Variants in JPH1 observed in about 807,000 individuals in gnomAD.
The protein encoded by JPH1 is junctophilin 1.
In JPH1, 12 loss-of-function variants were observed where a neutral mutation model predicts 53.6. The ratio of observed to expected loss-of-function variants is 0.22; its 90% CI spans 0.14 to 0.36. The LOEUF (loss-of-function observed/expected upper bound fraction) is 0.36, where lower values mean the gene tolerates loss of function less well. Among genes scored for constraint, JPH1 ranks in the 10% least tolerant of loss-of-function variants. The pLI is 1.00. For synonymous variants in JPH1, 375 were observed against 363.8 expected, an observed-to-expected ratio of 1.03 and a Z score of -0.35; for missense variants, 808 against 905.5, an observed-to-expected ratio of 0.89 and a Z score of 1.38.
chr8:74,304,654 C>T (rs1807780905), intron 2 of JPH1, among the ~76,000 whole-genome samples: 1 of 368 alleles, frequency 2.7e-3, no homozygotes, highest in Non-Finnish European at 6.1e-3. Context: ...TAAAAAATGG[C>T]ATTGATAGGG....
chr8:74,259,285 G>T, intron 3 of JPH1, 100 bp downstream of exon 3: 1 of 909,876 alleles, frequency 1.1e-6, no homozygotes, highest in Non-Finnish European at 1.7e-6. Context: ...AGTACTGCTG[G>T]GATTCAGGAA....
Position 74,321,451 on chromosome 8 carries a change from C to T in JPH1, c.-164G>A. ...TCCAGTCCGACGCCGCCCCCGTCCT[C>T]CCTCCTCTTTTGCCGCCGCCACCGC... On this transcript the variant is annotated 5_prime_UTR_variant, in exon 1 of 6. Coordinates refer to ENST00000342232, the MANE Select transcript of JPH1 (RefSeq NM_020647.4). This position sits in a 1 kb window ranked among gnomAD's most constrained non-coding sequence, Gnocchi z 4.3. The T allele has an allele frequency of 8.1e-6, 5 of 618,980 alleles. No homozygotes were observed. Among genetic ancestry groups the T allele is most frequent in the Non-Finnish European group, 7.4e-6 (3 of 405,882 alleles). The allele number at this position is 618,980 out of a possible 1,614,324, so 38.3% of individuals were successfully genotyped here.
chr8:74,315,641 G>T lies in JPH1; in HGVS notation c.380-21C>A. On this transcript the variant is annotated intron_variant, in intron 1 of 5. Coordinates refer to ENST00000342232, the MANE Select transcript of JPH1 (RefSeq NM_020647.4). The surrounding 1 kb of genome is among the most constrained non-coding windows in gnomAD (Gnocchi z 6.3). The stretch of plus-strand genomic sequence containing the variant: ...GGTACCTTGGAGAGACCGCAAGAAA[G>T]CACCGTGAGTCGGGGGCAGAGCTGC... 1.3e-6 allele frequency: 2 copies of T among 1,573,518 alleles called. No individual in the cohort carries two copies. Among genetic ancestry groups the T allele is most frequent in the Non-Finnish European group, 1.7e-6 (2 of 1,164,962 alleles).
At chr8:74,283,411 G>T (rs985045837) in intron 2 of JPH1, among the ~76,000 whole-genome samples, 2 of 152,194 alleles carry the variant, frequency 1.3e-5, no homozygotes, top group African/African-American at 4.8e-5. Flanking sequence ...TTATAGAGGG[G>T]AATGGGAAAA....
chr8:74,307,333 A>G (rs1302038721), intron 2 of JPH1, among the ~76,000 whole-genome samples: 4 of 152,192 alleles, frequency 2.6e-5, no homozygotes, highest in African/African-American at 7.2e-5. Flanking sequence ...CTCCCATTCA[A>G]TTCTCAAAAC....
intron 3 of JPH1, among the ~76,000 whole-genome samples, chr8:74,255,500 C>T (rs964202811): frequency 6.6e-5 from 10 of 152,184 alleles, no homozygotes; most frequent in Admixed American, 5.2e-4. Flanking sequence ...GACTTCATGT[C>T]TAAAACACCA....
Position 74,320,455 on chromosome 8 carries a change from A to G in JPH1, c.379+454T>C, listed in dbSNP as rs1230037398. ...CGTGAAACCAATCCCGGGAGCGGTC[A>G]GCACGGACCGCCAACCTCACCCGCT... On this transcript the variant is annotated intron_variant, in intron 1 of 5. Transcript: ENST00000342232. The surrounding 1 kb of genome is among the most constrained non-coding windows in gnomAD (Gnocchi z 4.4). 6.6e-6 allele frequency among the ~76,000 whole-genome samples: 1 copy of G among 152,208 alleles called. No homozygotes were observed. Among genetic ancestry groups the G allele is most frequent in the Non-Finnish European group, 1.5e-5 (1 of 68,030 alleles).
chr8:74,314,007 G>A (rs906182485), intron 2 of JPH1, among the ~76,000 whole-genome samples: 3 of 152,034 alleles, frequency 2.0e-5, no homozygotes, highest in East Asian at 1.9e-4. Context: ...CTTCAAGCAC[G>A]TAGTCCTTCT....
In JPH1 at chr8:74,235,394, C is replaced by G. The variant is rs2131369349; in HGVS notation, c.*1657G>C. The G allele has an allele frequency of 6.6e-6, 1 of 152,630 alleles. No individual in the cohort carries two copies. Among genetic ancestry groups the G allele is most frequent in the African/African-American group, 2.4e-5 (1 of 41,528 alleles). 9.5% of individuals were successfully genotyped at this position (152,630 alleles called of 1,614,324 possible). A position where few individuals can be genotyped will look rare whatever the true frequency, so the allele number is the denominator to read the frequency against. On this transcript the variant is annotated 3_prime_UTR_variant, in exon 6 of 6. Coordinates refer to ENST00000342232, the MANE Select transcript of JPH1 (RefSeq NM_020647.4). Reference sequence around the variant, plus strand: ...TATTGTGCTTCTGTAAGAAACATCACTGGGTTACTACCCTGCAGGTGACAA... The same window carrying G: ...TATTGTGCTTCTGTAAGAAACATCAGTGGGTTACTACCCTGCAGGTGACAA...
intron 2 of JPH1, among the ~76,000 whole-genome samples, chr8:74,299,383 C>G (rs1807610848): frequency 6.6e-6 from 1 of 152,180 alleles, no homozygotes; most frequent in Non-Finnish European, 1.5e-5. Flanking sequence ...ACACCACGAA[C>G]TATAACCTAA....
intron 4 of JPH1, among the ~76,000 whole-genome samples, chr8:74,243,205 C>T (rs1303022109): frequency 6.6e-6 from 1 of 152,176 alleles, no homozygotes; most frequent in Non-Finnish European, 1.5e-5. Flanking sequence ...TAAGCTATTA[C>T]ATTTAACAAA....
chr8:74,276,278 C>T (rs1331074067), intron 2 of JPH1, among the ~76,000 whole-genome samples: 2 of 152,130 alleles, frequency 1.3e-5, no homozygotes, highest in Admixed American at 6.5e-5. Context: ...CTACACTAGC[C>T]ATAGGACCGT....
chr8:74,305,990 G>C (rs1322392731), intron 2 of JPH1, among the ~76,000 whole-genome samples: 1 of 151,928 alleles, frequency 6.6e-6, no homozygotes, highest in Non-Finnish European at 1.5e-5. Context: ...GGGAGGGCTG[G>C]AGAAAGAGTT....
chr8:74,289,291 C>T (rs916294161), intron 2 of JPH1, among the ~76,000 whole-genome samples: 3 of 152,178 alleles, frequency 2.0e-5, no homozygotes, highest in Admixed American at 6.5e-5. Context: ...GCAATGCCTG[C>T]GTCCAACCCA....
chr8:74,314,681 C>G (rs1297203632), intron 2 of JPH1, among the ~76,000 whole-genome samples, 180 bp downstream of exon 2: 1 of 152,206 alleles, frequency 6.6e-6, no homozygotes, highest in Non-Finnish European at 1.5e-5. Flanking sequence ...TGGGAAGTTT[C>G]AGAACAGTGC....
At chr8:74,242,647 T>TATG (rs1371339109) in intron 4 of JPH1, among the ~76,000 whole-genome samples, 1 of 152,220 alleles carries the variant, frequency 6.6e-6, no homozygotes, top group African/African-American at 2.4e-5. Flanking sequence ...ACGGCAGCGT[T>TATG]CTGTTACTAT....
chr8:74,310,182 C>T (rs2131458653), intron 2 of JPH1, among the ~76,000 whole-genome samples: 1 of 151,646 alleles, frequency 6.6e-6, no homozygotes, highest in South Asian at 2.1e-4. Context: ...GGATCCAGAA[C>T]TAGAGGTGGT....
intron 2 of JPH1, among the ~76,000 whole-genome samples, chr8:74,289,946 T>C (rs1184513975): frequency 6.6e-6 from 1 of 152,202 alleles, no homozygotes; most frequent in Non-Finnish European, 1.5e-5. Context: ...GATAAGCTTT[T>C]TGATGTGCTG....
chr8:74,317,554 G>A (rs1431507753), intron 1 of JPH1, among the ~76,000 whole-genome samples: 1 of 152,124 alleles, frequency 6.6e-6, no homozygotes, highest in Admixed American at 6.5e-5. Context: ...GCCTATACAG[G>A]TAAAATTTAA....
Sources: allele counts gnomAD v4.1 joint callset (sites outside exome capture counted in the v4.1 genomes callset), GRCh38; gene constraint gnomAD v4.1.1; non-coding constraint Gnocchi (gnomAD v3.1); transcripts MANE v1.5; gene names NCBI Gene and HGNC (gene_info 2026-07-23, HGNC 2026-07-21).